GTF2I: variants seen among roughly 807,000 people sequenced by gnomAD.
GTF2I encodes general transcription factor IIi, also known as general transcription factor II-I.
A neutral mutation model predicts 67.6 loss-of-function variants in GTF2I; 12 were observed. The ratio of observed to expected loss-of-function variants is 0.18; its 90% CI spans 0.11 to 0.29. GTF2I has a LOEUF of 0.29. GTF2I is among the 10% of genes least tolerant of loss of function. The pLI is 1.00. For missense variants in GTF2I, 271 were observed against 580.1 expected (o/e 0.47, Z 5.47); for synonymous variants, 149 against 197.0 (o/e 0.76, Z 2.04).
Position 74,671,705 on chromosome 7 carries a change from G to A in GTF2I, c.-6+13637G>A, listed in dbSNP as rs147190043. The stretch of plus-strand genomic sequence containing the variant: ...CCTAGAAAAATTTCACAGCCGGCTG[G>A]CCATGGTGTCTCACGCCTGTAATCT... On this transcript the variant is annotated intron_variant, in intron 1 of 34. Transcript: ENST00000573035. Among the ~76,000 whole-genome samples, 868 of 152,104 alleles carry A rather than the reference G, an allele frequency of 5.7e-3. 10 individuals are homozygous for A. The highest frequency in any genetic ancestry group is 0.02 in the African/African-American group (823 of 41,496).
At chr7:74,675,222 A>T (rs2131233225) in intron 1 of GTF2I, among the ~76,000 whole-genome samples, 1 of 152,292 alleles carries the variant, frequency 6.6e-6, no homozygotes, top group South Asian at 2.1e-4. Context: ...CTTTTTGAAG[A>T]CTAGAGGCAT....
intron 3 of GTF2I, among the ~76,000 whole-genome samples, chr7:74,694,636 G>T (rs1270174529): frequency 5.9e-5 from 9 of 152,180 alleles, no homozygotes; most frequent in African/African-American, 1.4e-4. Flanking sequence ...GCAAGGTAAA[G>T]CAGCAAGTGT....
chr7:74,747,809 A>G (rs1228726494), intron 23 of GTF2I, among the ~76,000 whole-genome samples: 3 of 132,626 alleles, frequency 2.3e-5, no homozygotes, highest in African/African-American at 5.3e-5. Flanking sequence ...AAAAAAAAAA[A>G]AGAAGAAGAA....
At chr7:74,700,179 A>G in intron 4 of GTF2I, 68 bp from the exon 5 acceptor site, 3 of 1,524,336 alleles carry the variant, frequency 2.0e-6, no homozygotes, top group Non-Finnish European at 2.7e-6. Context: ...AGCCACAATA[A>G]GCTAGCGATG....
intron 1 of GTF2I, among the ~76,000 whole-genome samples, chr7:74,683,915 C>T (rs1171791171): frequency 1.3e-5 from 2 of 152,060 alleles, no homozygotes; most frequent in African/African-American, 4.8e-5. Context: ...GAGCACAGAG[C>T]AAAATGTCCT....
At chr7:74,731,333 G>T (rs1449856024) in intron 14 of GTF2I, among the ~76,000 whole-genome samples, 4 of 142,348 alleles carry the variant, frequency 2.8e-5, no homozygotes, top group Non-Finnish European at 4.6e-5. Flanking sequence ...CATATTGATG[G>T]TATTTGTGTT....
chr7:74,712,652 CTTTTTTT>C (rs67504763), intron 9 of GTF2I, among the ~76,000 whole-genome samples: 1 of 114,188 alleles, frequency 8.8e-6, no homozygotes, highest in African/African-American at 3.4e-5. Flanking sequence ...CAAGATTTAT[CTTTTTTT>C]TTTTTTTTTT....
intron 1 of GTF2I, among the ~76,000 whole-genome samples, chr7:74,688,082 A>T (rs898787521): frequency 6.6e-6 from 1 of 152,072 alleles, no homozygotes; most frequent in Admixed American, 6.6e-5. Flanking sequence ...TAAAATATAC[A>T]TAATTTTTTT....
At chr7:74,692,673 C>G (rs1188085219) in intron 3 of GTF2I, among the ~76,000 whole-genome samples, 2 of 152,110 alleles carry the variant, frequency 1.3e-5, no homozygotes, top group Non-Finnish European at 2.9e-5. Context: ...ATTGATACAG[C>G]ATTTTCTTAA....
Position 74,698,948 on chromosome 7 carries a change from A to AT in GTF2I, c.239-5dup, listed in dbSNP as rs782514745. On this transcript the variant is annotated splice_polypyrimidine_tract_variant and intron_variant, in intron 3 of 34. Transcript: ENST00000573035. Reference sequence around the variant, plus strand: ...TTATTATTTTTTTATTTTATTTTTTATTTTTTTTACAGGTGTTGAAGAAGA... The same window carrying AT: ...TTATTATTTTTTTATTTTATTTTTTATTTTTTTTTACAGGTGTTGAAGAAGA... 175 of 1,228,006 alleles carry AT rather than the reference A, an allele frequency of 1.4e-4. No homozygotes were observed. The highest frequency in any genetic ancestry group is 2.0e-4 in the South Asian group (9 of 45,902). The allele number at this position is 1,228,006 out of a possible 1,614,324, so 76.1% of individuals were successfully genotyped here.
At chr7:74,698,896 A>T (rs1554399095) in intron 3 of GTF2I, 65 bp from the exon 4 acceptor site, 4 of 765,684 alleles carry the variant, frequency 5.2e-6, no homozygotes, top group Non-Finnish European at 7.4e-6. Context: ...TAAAAACCAA[A>T]TATTAAGGTA....
rs587716270 is a variant in GTF2I, at chr7:74,711,235, T to C, written c.763+126T>C. ...ATCAGTTCTTGATTGACATATATAT[T>C]GTAATTCAGTCCCGGGGATAAAACA... On this transcript the variant is annotated intron_variant, in intron 9 of 34. Coordinates refer to ENST00000573035, the MANE Select transcript of GTF2I (RefSeq NM_032999.4). The C allele has an allele frequency of 2.0e-5, 10 of 490,524 alleles. No homozygotes were observed. The African/African-American group carries it at 2.0e-4, about 10-fold the overall frequency. The allele number at this position is 490,524 out of a possible 1,614,324, so 30.4% of individuals were successfully genotyped here. A position where few individuals can be genotyped will look rare whatever the true frequency, so the allele number is the denominator to read the frequency against.
chr7:74,662,360 G>A (rs1038218234), intron 1 of GTF2I, among the ~76,000 whole-genome samples: 4 of 150,866 alleles, frequency 2.7e-5, no homozygotes, highest in South Asian at 2.1e-4. Context: ...ATAGGCATGC[G>A]CCACCATGCC....
At chr7:74,710,781 G>C (rs782103075) in intron 8 of GTF2I, among the ~76,000 whole-genome samples, 36 of 152,158 alleles carry the variant, frequency 2.4e-4, no homozygotes, top group Non-Finnish European at 4.7e-4. Flanking sequence ...CTAAAGATAA[G>C]AATTTGCTGG....
At chr7:74,715,048 G>T (rs1196177511) in intron 10 of GTF2I, 132 bp downstream of exon 10, 2 of 507,330 alleles carry the variant, frequency 3.9e-6, no homozygotes, top group Admixed American at 3.5e-5. Flanking sequence ...AAATGTATTG[G>T]CCTTTTTTTA....
chr7:74,700,157 A>T (rs1295372557), intron 4 of GTF2I, 90 bp from the exon 5 acceptor site: 2 of 1,278,680 alleles, frequency 1.6e-6, no homozygotes, highest in Non-Finnish European at 2.2e-6. Flanking sequence ...AAAATCATGG[A>T]TGCCCTTATT....
At chr7:74,731,211 A>G (rs1457246411) in intron 14 of GTF2I, among the ~76,000 whole-genome samples, 2 of 146,668 alleles carry the variant, frequency 1.4e-5, no homozygotes, top group Non-Finnish European at 3.0e-5. Context: ...ATCATCTGTT[A>G]TCATTTTTAT....
chr7:74,713,794 C>A (rs1457037182), intron 9 of GTF2I, among the ~76,000 whole-genome samples: 1 of 152,138 alleles, frequency 6.6e-6, no homozygotes, highest in Non-Finnish European at 1.5e-5. Context: ...AATAGCACAT[C>A]TTCCTTTTCT....
chr7:74,669,232 T>G (rs1486838669), intron 1 of GTF2I, among the ~76,000 whole-genome samples: 5 of 143,766 alleles, frequency 3.5e-5, no homozygotes, highest in African/African-American at 1.3e-4. Flanking sequence ...TAGTTTTTTT[T>G]TTTTTTTTTT....
Sources: allele counts gnomAD v4.1 joint callset (sites outside exome capture counted in the v4.1 genomes callset), GRCh38; gene constraint gnomAD v4.1.1; transcripts MANE v1.5; gene names NCBI Gene and HGNC (gene_info 2026-07-23, HGNC 2026-07-21).